Variants in RGS7 observed in about 807,000 individuals in gnomAD.
RGS7 encodes the protein regulator of G protein signaling 7, also known as regulator of G-protein signaling 7.
In RGS7, 27 loss-of-function variants were observed where a neutral mutation model predicts 81.1. The observed-to-expected ratio is 0.33, with a 90% CI of 0.25 to 0.46. RGS7 has a LOEUF of 0.46. RGS7 is among the 20% of genes least tolerant of loss of function. The pLI, the probability that RGS7 is intolerant of heterozygous loss-of-function variation, is 1.00. For missense variants in RGS7, 396 were observed against 607.4 expected (o/e 0.65, Z 3.66); for synonymous variants, 208 against 207.7 (o/e 1.00, Z -0.01).
chr1:240,897,998 G>T (rs1423252737), intron 6 of RGS7, among the ~76,000 whole-genome samples: 1 of 152,062 alleles, frequency 6.6e-6, no homozygotes, highest in Admixed American at 6.5e-5. Flanking sequence ...ACTTCTTCCT[G>T]GTTTAGCCTT....
At chr1:241,222,837 C>T (rs2075095431) in intron 2 of RGS7, among the ~76,000 whole-genome samples, 1 of 149,200 alleles carries the variant, frequency 6.7e-6, no homozygotes, top group Non-Finnish European at 1.5e-5. Context: ...CTGACAGGCC[C>T]TGGTGTGTGA....
intron 2 of RGS7, among the ~76,000 whole-genome samples, chr1:241,227,060 G>A (rs530492720): frequency 3.3e-5 from 5 of 152,264 alleles, no homozygotes; most frequent in South Asian, 2.1e-4. Flanking sequence ...CTGACAATAC[G>A]AAGGTTGGCT....
chr1:241,355,962 AT>A, intron 1 of RGS7, 136 bp from the exon 2 acceptor site: 1 of 635,884 alleles, frequency 1.6e-6, no homozygotes, highest in South Asian at 1.8e-5. Context: ...CAGGACATGG[AT>A]TTTTTAAAAA....
At chr1:241,028,699 G>A (rs1302547672) in intron 3 of RGS7, among the ~76,000 whole-genome samples, 3 of 152,134 alleles carry the variant, frequency 2.0e-5, no homozygotes, top group Non-Finnish European at 4.4e-5. Context: ...TGGAGCTGAG[G>A]GCACAGACAC....
At chr1:240,831,276 T>C (rs895699500) in intron 9 of RGS7, among the ~76,000 whole-genome samples, 1 of 152,148 alleles carries the variant, frequency 6.6e-6, no homozygotes, top group Non-Finnish European at 1.5e-5. Flanking sequence ...TCTTGAAGAT[T>C]AAAAAAGCTT....
At chr1:240,921,027 A>C (rs1049559547) in intron 6 of RGS7, among the ~76,000 whole-genome samples, 1 of 152,034 alleles carries the variant, frequency 6.6e-6, no homozygotes, top group Non-Finnish European at 1.5e-5. Flanking sequence ...GGAAGTTAGA[A>C]TTCCTTCAGG....
intron 6 of RGS7, among the ~76,000 whole-genome samples, chr1:240,890,298 G>A (rs536197313): frequency 1.1e-3 from 166 of 152,104 alleles, no homozygotes; most frequent in Non-Finnish European, 1.3e-3. Flanking sequence ...GCCTACAGGC[G>A]TGCGCCACCA....
intron 3 of RGS7, among the ~76,000 whole-genome samples, chr1:241,072,306 C>T (rs145020745): frequency 6.6e-6 from 1 of 152,186 alleles, no homozygotes; most frequent in African/African-American, 2.4e-5. Context: ...GACTCAATGG[C>T]GTTGGAACCG....
At chr1:241,132,923 C>T (rs764870987) in intron 2 of RGS7, among the ~76,000 whole-genome samples, 4 of 152,092 alleles carry the variant, frequency 2.6e-5, no homozygotes, top group African/African-American at 7.2e-5. Flanking sequence ...CCACCAAGCC[C>T]GGCTAATTTT....
chr1:241,229,495 G>A (rs931265993), intron 2 of RGS7, among the ~76,000 whole-genome samples: 3 of 152,124 alleles, frequency 2.0e-5, no homozygotes, highest in African/African-American at 7.2e-5. Context: ...CAGTCATCCG[G>A]TGCCATCTGT....
At chr1:241,226,600 A>C (rs2075322057) in intron 2 of RGS7, among the ~76,000 whole-genome samples, 1 of 152,234 alleles carries the variant, frequency 6.6e-6, no homozygotes, top group Non-Finnish European at 1.5e-5. Context: ...GAGGTAAAAG[A>C]CAATCAACAA....
intron 3 of RGS7, among the ~76,000 whole-genome samples, chr1:241,067,481 G>A (rs1340201393): frequency 6.6e-6 from 1 of 151,824 alleles, no homozygotes; most frequent in Non-Finnish European, 1.5e-5. Flanking sequence ...TACTCAGCTA[G>A]TAGAACATTC....
intron 2 of RGS7, among the ~76,000 whole-genome samples, chr1:241,210,466 T>C (rs940561407): frequency 6.6e-6 from 1 of 152,134 alleles, no homozygotes; most frequent in Non-Finnish European, 1.5e-5. Context: ...GCAACCATTT[T>C]TAAAGAGGAA....
At chr1:240,952,282 A>C (rs1452680724) in intron 4 of RGS7, among the ~76,000 whole-genome samples, 1 of 152,118 alleles carries the variant, frequency 6.6e-6, no homozygotes, top group Non-Finnish European at 1.5e-5. Flanking sequence ...CTATTTGTTT[A>C]AAATAATAGT....
chr1:240,790,040 C>T (rs1341767943), intron 18 of RGS7, among the ~76,000 whole-genome samples: 2 of 152,148 alleles, frequency 1.3e-5, no homozygotes, highest in Non-Finnish European at 2.9e-5. Context: ...GACCAGCTGA[C>T]ACTTAGGGAA....
chr1:241,231,823 A>C (rs2815857), intron 2 of RGS7, among the ~76,000 whole-genome samples: 59,733 of 152,092 alleles, frequency 0.39, 11,849 homozygotes, highest in African/African-American at 0.47. Context: ...AAAGGTTTTA[A>C]TTTTGACAAA....
At position 241,271,388 on chromosome 1, in the gene RGS7, A is replaced by C. The variant is rs2148345561; in HGVS notation, c.78+84311T>G. On this transcript the variant is annotated intron_variant, in intron 2 of 18. Transcript: ENST00000440928. This position sits in a 1 kb window ranked among gnomAD's most constrained non-coding sequence, Gnocchi z 4.6. The stretch of plus-strand genomic sequence containing the variant: ...TTTACAAAAGGAAATCAAATGTGAA[A>C]ATTTATCTGGATGCTCCATACTTCA... Among the ~76,000 whole-genome samples the C allele has an allele frequency of 6.6e-6, 1 of 152,288 alleles. No individual in the cohort carries two copies. The highest frequency in any genetic ancestry group is 2.1e-4 in the South Asian group (1 of 4,822).
chr1:240,996,868 T>G (rs935324035), intron 3 of RGS7, among the ~76,000 whole-genome samples: 3 of 152,142 alleles, frequency 2.0e-5, no homozygotes, highest in Non-Finnish European at 4.4e-5. Flanking sequence ...GCCATTTTAT[T>G]TTTTGTGGGT....
intron 3 of RGS7, among the ~76,000 whole-genome samples, chr1:241,027,034 A>AT (rs1259022808): frequency 2.3e-5 from 3 of 129,170 alleles, no homozygotes; most frequent in African/African-American, 5.5e-5. Context: ...TCTACCAGAA[A>AT]TTAAAAAAAA....
Sources: gnomAD v4.1 joint callset for allele counts (sites outside exome capture counted in the v4.1 genomes callset) on GRCh38, gnomAD v4.1.1 for gene constraint, Gnocchi (gnomAD v3.1) non-coding constraint, MANE v1.5 for transcripts, NCBI Gene and HGNC (gene_info 2026-07-23, HGNC 2026-07-21) for gene names.